The following TEX9 variants were observed in gnomAD, a reference collection of about 807,000 sequenced individuals.
TEX9 encodes the protein testis expressed 9, also known as testis-expressed protein 9.
A neutral mutation model predicts 59.6 loss-of-function variants in TEX9; 74 were observed. That is an observed-to-expected ratio of 1.24 (90% CI 1.03 to 1.51). The LOEUF (loss-of-function observed/expected upper bound fraction) is 1.51. Among genes scored for constraint, TEX9 ranks in the 40% most tolerant of loss-of-function variants. TEX9 has a pLI of 0.00. For missense variants in TEX9, 522 were observed against 447.8 expected (o/e 1.17, Z -1.49); for synonymous variants, 186 against 152.2 (o/e 1.22, Z -1.64).
intron 1 of TEX9, among the ~76,000 whole-genome samples, chr15:56,248,027 CT>C: frequency 6.6e-6 from 1 of 152,298 alleles, no homozygotes; most frequent in East Asian, 1.9e-4. Context: ...TGGATAATTT[CT>C]TTCAGCTAAG....
At chr15:56,318,962 A>C (rs2045840921) in intron 1 of TEX9, among the ~76,000 whole-genome samples, 1 of 152,172 alleles carries the variant, frequency 6.6e-6, no homozygotes, top group Non-Finnish European at 1.5e-5. Context: ...AACCCTGTAC[A>C]TAACATGCCC....
At chr15:56,385,668 C>G (rs1427310736) in intron 4 of TEX9, among the ~76,000 whole-genome samples, 1 of 151,780 alleles carries the variant, frequency 6.6e-6, no homozygotes, top group African/African-American at 2.4e-5. Context: ...GGAAGAAACC[C>G]ACTAGTTTGG....
intron 9 of TEX9, among the ~76,000 whole-genome samples, chr15:56,405,784 G>C (rs1480768843): frequency 6.6e-6 from 1 of 151,540 alleles, no homozygotes; most frequent in Admixed American, 6.6e-5. Context: ...GAGTGTGATG[G>C]ACTTGCTTTT....
intron 1 of TEX9, among the ~76,000 whole-genome samples, chr15:56,348,924 A>G (rs1373549976): frequency 6.7e-5 from 1 of 15,020 alleles, no homozygotes; most frequent in Non-Finnish European, 2.0e-4. Flanking sequence ...TATTTTTACC[A>G]TTTTCTCTTT....
intron 9 of TEX9, among the ~76,000 whole-genome samples, chr15:56,402,082 A>C (rs1274381522): frequency 6.6e-6 from 1 of 152,194 alleles, no homozygotes. Context: ...CTAGAGAAGC[A>C]AGAGGAAACA....
At chr15:56,393,606 A>AT (rs1380511095) in intron 7 of TEX9, 1 of 152,184 alleles carries the variant, frequency 6.6e-6, no homozygotes, top group Non-Finnish European at 1.5e-5. Context: ...AACTTCAAAG[A>AT]TTTACTGCTG....
intron 3 of TEX9, chr15:56,374,352 C>A (rs1293212492): frequency 6.6e-6 from 1 of 151,984 alleles, no homozygotes; most frequent in East Asian, 1.9e-4. Context: ...CAGAAGCAAA[C>A]AATATAAGGT....
intron 6 of TEX9, 34 bp from the exon 7 acceptor site, chr15:56,391,209 A>C (rs777014070): frequency 5.4e-5 from 78 of 1,435,328 alleles, no homozygotes; most frequent in Middle Eastern, 1.9e-4. Context: ...ATGTACGTAT[A>C]TACATACATA....
chr15:56,372,805 A>G (rs1450924774), intron 2 of TEX9, among the ~76,000 whole-genome samples: 6 of 152,204 alleles, frequency 3.9e-5, no homozygotes, highest in African/African-American at 1.4e-4. Context: ...CAGTCTTAAT[A>G]TAGGACCAAG....
intron 1 of TEX9, among the ~76,000 whole-genome samples, chr15:56,307,145 G>T (rs1186949433): frequency 1.3e-5 from 2 of 152,138 alleles, no homozygotes; most frequent in Admixed American, 6.5e-5. Flanking sequence ...AGCTTTCTAA[G>T]AAATCAAGCT....
chr15:56,248,613 T>A (rs1480129631), intron 1 of TEX9, among the ~76,000 whole-genome samples: 2 of 152,252 alleles, frequency 1.3e-5, no homozygotes, highest in Non-Finnish European at 2.9e-5. Flanking sequence ...TATACATGTT[T>A]ATGTTGTAAC....
upstream of TEX9, chr15:56,244,006 G>C (rs2043771930): frequency 6.7e-6 from 1 of 148,480 alleles, no homozygotes; most frequent in African/African-American, 2.5e-5. Flanking sequence ...GCGCGGGCCA[G>C]CGGGCCAGGG....
At chr15:56,356,800 C>G (rs1171120416) in intron 1 of TEX9, among the ~76,000 whole-genome samples, 7 of 152,126 alleles carry the variant, frequency 4.6e-5, no homozygotes, top group African/African-American at 1.7e-4. Flanking sequence ...TTCCAGTGGT[C>G]TGGCTCTATA....
intron 1 of TEX9, among the ~76,000 whole-genome samples, chr15:56,360,103 T>A (rs2046763538): frequency 6.6e-6 from 1 of 152,202 alleles, no homozygotes. Context: ...TGTTGCATAA[T>A]TCTTTTTAGA....
chr15:56,295,418 T>C (rs2045195406), intron 1 of TEX9, among the ~76,000 whole-genome samples: 1 of 152,244 alleles, frequency 6.6e-6, no homozygotes, highest in Admixed American at 6.5e-5. Context: ...TAACTGGATA[T>C]ACCAGCTAAG....
At chr15:56,329,500 A>G (rs146017850) in intron 1 of TEX9, among the ~76,000 whole-genome samples, 8 of 152,346 alleles carry the variant, frequency 5.3e-5, no homozygotes, top group Admixed American at 5.2e-4. Flanking sequence ...TTTCAGACAG[A>G]TAAATCAAAA....
intron 2 of TEX9, among the ~76,000 whole-genome samples, chr15:56,372,013 T>A (rs1377298852): frequency 6.6e-6 from 1 of 152,232 alleles, no homozygotes; most frequent in Non-Finnish European, 1.5e-5. Flanking sequence ...GCTTTATTCT[T>A]AGTACCAGGG....
chr15:56,413,286 T>A (rs1275035463), intron 10 of TEX9, among the ~76,000 whole-genome samples: 3 of 680 alleles, frequency 4.4e-3, no homozygotes, highest in South Asian at 0.062. Flanking sequence ...TTAAATAATT[T>A]AATAATAAAT....
Position 56,380,635 on chromosome 15 carries a change from G to A in TEX9, c.184-3317G>A, listed in dbSNP as rs562500863. 6.6e-5 allele frequency among the ~76,000 whole-genome samples: 10 copies of A among 152,170 alleles called. 1 individual carries two copies. In the South Asian group the frequency reaches 1.9e-3, roughly 28 times the overall value. On this transcript the variant is annotated intron_variant, in intron 3 of 12. Transcript: ENST00000352903. ...GGAATGCCTCAACTTTTGTTTTTCT[G>A]GGAAGGTCTGTTATTATCTTTCATG...
Sources: allele counts gnomAD v4.1 joint callset (sites outside exome capture counted in the v4.1 genomes callset), GRCh38; gene constraint gnomAD v4.1.1; transcripts MANE v1.5; gene names NCBI Gene and HGNC (gene_info 2026-07-23, HGNC 2026-07-21).